ACACB: variants seen among roughly 807,000 people sequenced by gnomAD.
The protein encoded by ACACB is acetyl-CoA carboxylase beta, also known as acetyl-CoA carboxylase 2.
A neutral mutation model predicts 278.8 loss-of-function variants in ACACB; 209 were observed. That is an observed-to-expected ratio of 0.75 (90% CI 0.67 to 0.84). The LOEUF (loss-of-function observed/expected upper bound fraction) is 0.84. Ranked by LOEUF, ACACB falls within the 40% of genes least tolerant of loss-of-function variation. ACACB has a pLI of 0.00. For missense variants in ACACB, 2,850 were observed against 3,269.0 expected (o/e 0.87, Z 3.13); for synonymous variants, 1,174 against 1,285.6 (o/e 0.91, Z 1.86).
chr12:109,206,592 G>C, intron 19 of ACACB, 118 bp from the exon 20 acceptor site: 1 of 1,229,622 alleles, frequency 8.1e-7, no homozygotes, highest in Non-Finnish European at 1.1e-6. Flanking sequence ...TTTTTCCTCA[G>C]ACCTCATCCT....
chr12:109,113,619 A>G (rs1036212761), upstream of ACACB, among the ~76,000 whole-genome samples: 2 of 149,052 alleles, frequency 1.3e-5, no homozygotes, highest in African/African-American at 5.1e-5. Flanking sequence ...GCATGTTGCT[A>G]GTATGCTTGC....
At chr12:109,205,308 C>T (rs1334870262) in intron 19 of ACACB, among the ~76,000 whole-genome samples, 1 of 152,204 alleles carries the variant, frequency 6.6e-6, no homozygotes, top group Non-Finnish European at 1.5e-5. Context: ...TCCCTGCAGC[C>T]TCACATAAAT....
At chr12:109,156,757 T>C (rs1004355427) in intron 2 of ACACB, among the ~76,000 whole-genome samples, 1 of 151,886 alleles carries the variant, frequency 6.6e-6, no homozygotes, top group Non-Finnish European at 1.5e-5. Flanking sequence ...GCAGGAAGGG[T>C]CGCAAAAATG....
chr12:109,194,223 C>T (rs1052515760), intron 16 of ACACB, among the ~76,000 whole-genome samples: 5 of 151,754 alleles, frequency 3.3e-5, no homozygotes, highest in Non-Finnish European at 7.4e-5. Context: ...TCAAACGGAG[C>T]CTCACTCTGT....
chr12:109,190,887 AAGCAGTGGGATTACAGGCATGAACC>A (rs2136278703), intron 13 of ACACB, among the ~76,000 whole-genome samples: 1 of 152,176 alleles, frequency 6.6e-6, no homozygotes. Flanking sequence ...CAGACTCCCA[AAGCAGTGGGATTACAGGCATGAACC>A]ACCATGCCTG....
intron 2 of ACACB, among the ~76,000 whole-genome samples, chr12:109,144,352 A>C (rs1279954964): frequency 6.6e-6 from 1 of 152,112 alleles, no homozygotes; most frequent in Non-Finnish European, 1.5e-5. Flanking sequence ...TGAGCATTTT[A>C]TTATCTTGTA....
intron 37 of ACACB, among the ~76,000 whole-genome samples, chr12:109,243,710 A>G (rs1391664894): frequency 1.3e-5 from 2 of 152,270 alleles, no homozygotes; most frequent in South Asian, 2.1e-4. Flanking sequence ...TTCTATTCAT[A>G]TGTAATTTTC....
chr12:109,254,728 C>A (rs973314612), intron 44 of ACACB, among the ~76,000 whole-genome samples: 2 of 151,262 alleles, frequency 1.3e-5, no homozygotes, highest in Non-Finnish European at 2.9e-5. Context: ...TTCTTTCTCT[C>A]TTACAAAGGA....
intron 24 of ACACB, among the ~76,000 whole-genome samples, chr12:109,218,620 G>T (rs1436846887): frequency 6.6e-6 from 1 of 150,976 alleles, no homozygotes; most frequent in Non-Finnish European, 1.5e-5. Context: ...AGAGCAACTT[G>T]GACTTGGCTT....
chr12:109,266,205 G>C, intron 52 of ACACB, 31 bp from the exon 53 acceptor site: 2 of 1,603,662 alleles, frequency 1.2e-6, no homozygotes, highest in Non-Finnish European at 1.7e-6. Context: ...TGGCTGGAGT[G>C]ATCCCAGCCC....
chr12:109,260,402 C>T, intron 47 of ACACB, 78 bp from the exon 48 acceptor site: 1 of 1,569,450 alleles, frequency 6.4e-7, no homozygotes, highest in Non-Finnish European at 8.7e-7. Context: ...CTCCCAGGAC[C>T]CCCAGGACAA....
At position 109,125,557 on chromosome 12, in the gene ACACB, G is replaced by A. The variant is rs566279424; in HGVS notation, c.-10+8853G>A. ...TCAAGAGACTTTCGCAGTGGCCCAAGTGAGATATAACAGTGGCTTGAACTT... is the reference window on the plus strand; with the variant it reads ...TCAAGAGACTTTCGCAGTGGCCCAAATGAGATATAACAGTGGCTTGAACTT... On this transcript the variant is annotated intron_variant, in intron 1 of 52. Coordinates refer to ENST00000338432, the MANE Select transcript of ACACB (RefSeq NM_001093.4). 5 of 152,358 alleles carry A rather than the reference G, an allele frequency of 3.3e-5. No homozygotes were observed. In the South Asian group the frequency reaches 1.0e-3, roughly 32 times the overall value. 9.4% of individuals were successfully genotyped at this position (152,358 alleles called of 1,614,324 possible). A position where few individuals can be genotyped will look rare whatever the true frequency, so the allele number is the denominator to read the frequency against.
chr12:109,250,905 G>A (rs1341613446), intron 41 of ACACB, among the ~76,000 whole-genome samples: 2 of 152,204 alleles, frequency 1.3e-5, no homozygotes, highest in Non-Finnish European at 2.9e-5. Context: ...CCCTTTTGAG[G>A]TTTTATGCAT....
At chr12:109,115,851 A>C (rs2042393705), upstream of ACACB, among the ~76,000 whole-genome samples, 1 of 152,240 alleles carries the variant, frequency 6.6e-6, no homozygotes, top group South Asian at 2.1e-4. Flanking sequence ...CTGTTTAGTA[A>C]GGCCATCATT....
intron 24 of ACACB, among the ~76,000 whole-genome samples, chr12:109,218,652 A>ATTTTT (rs578075666): frequency 7.8e-6 from 1 of 128,270 alleles, no homozygotes; most frequent in Non-Finnish European, 1.7e-5. Flanking sequence ...GGGTTTGGCA[A>ATTTTT]TTTTTTTTTT....
At chr12:109,168,067 G>C in intron 4 of ACACB, 33 bp downstream of exon 4, 1 of 1,579,892 alleles carries the variant, frequency 6.3e-7, no homozygotes, top group Non-Finnish European at 8.6e-7. Flanking sequence ...CTCCCATCAC[G>C]CTCCATCCTT....
At chr12:109,164,222 G>C (rs1162614114) in intron 2 of ACACB, among the ~76,000 whole-genome samples, 2 of 151,948 alleles carry the variant, frequency 1.3e-5, no homozygotes, top group African/African-American at 4.8e-5. Flanking sequence ...CTTGAAGAAG[G>C]TTTTCCTTCC....
intron 1 of ACACB, among the ~76,000 whole-genome samples, chr12:109,120,756 G>A (rs75175770): frequency 1.4e-3 from 218 of 152,264 alleles, no homozygotes; most frequent in African/African-American, 4.7e-3. Context: ...TGCCACACAC[G>A]TGCACACCTG....
chr12:109,117,322 T>C lies in ACACB; in HGVS notation c.-10+618T>C, dbSNP rs569117628. ...TTGCAGTGAGCTAAAATTGCGCCAC[T>C]GCATTCCAGCCTGACTGACAGAGCA... On this transcript the variant is annotated intron_variant, in intron 1 of 52. Transcript: ENST00000338432. Among the ~76,000 whole-genome samples, 5 of 144,750 alleles carry C rather than the reference T, an allele frequency of 3.5e-5. No individual in the cohort carries two copies. The East Asian group carries it at 1.0e-3, about 29-fold the overall frequency. The allele number at this position is 144,750 out of a possible 152,430, so 95.0% of individuals were successfully genotyped here. A position where few individuals can be genotyped will look rare whatever the true frequency, so the allele number is the denominator to read the frequency against.
Sources: allele counts gnomAD v4.1 joint callset (sites outside exome capture counted in the v4.1 genomes callset), GRCh38; gene constraint gnomAD v4.1.1; transcripts MANE v1.5; gene names NCBI Gene and HGNC (gene_info 2026-07-23, HGNC 2026-07-21).